WNT8B: variants seen among roughly 807,000 people sequenced by gnomAD.
The protein encoded by WNT8B is Wnt family member 8B.
WNT8B carries 24 observed loss-of-function variants against 36.6 expected under a neutral mutation model. The observed-to-expected ratio is 0.66, with a 90% confidence interval of 0.48 to 0.92. The LOEUF is 0.92. WNT8B is among the 40% of genes least tolerant of loss of function. The pLI, the probability that WNT8B is intolerant of heterozygous loss-of-function variation, is 0.00. For missense variants in WNT8B, 402 were observed against 470.8 expected (o/e 0.85, Z 1.35); for synonymous variants, 199 against 189.8 (o/e 1.05, Z -0.40).
At chr10:100,471,624 G>C (rs1035253144) in intron 1 of WNT8B, among the ~76,000 whole-genome samples, 1 of 152,236 alleles carries the variant, frequency 6.6e-6, no homozygotes, top group African/African-American at 2.4e-5. Context: ...GTGGGAATAA[G>C]AGCAAGGGAA....
intron 1 of WNT8B, among the ~76,000 whole-genome samples, chr10:100,475,113 G>A (rs1208589013): frequency 6.6e-6 from 1 of 151,920 alleles, no homozygotes; most frequent in Non-Finnish European, 1.5e-5. Context: ...GGTGGCACAC[G>A]CCTGTAATCC....
chr10:100,481,624 C>A (rs960469022), intron 4 of WNT8B, among the ~76,000 whole-genome samples: 1 of 152,196 alleles, frequency 6.6e-6, no homozygotes. Context: ...TCTGCCCATG[C>A]GAAGAGGCAC....
At chr10:100,467,167 G>A (rs947031276) in intron 1 of WNT8B, among the ~76,000 whole-genome samples, 8 of 151,838 alleles carry the variant, frequency 5.3e-5, no homozygotes, top group Non-Finnish European at 1.0e-4. Context: ...AAACTTTTAT[G>A]GTTTGTTTTT....
chr10:100,471,346 A>G (rs930749724), intron 1 of WNT8B, among the ~76,000 whole-genome samples: 1 of 152,192 alleles, frequency 6.6e-6, no homozygotes, highest in African/African-American at 2.4e-5. Flanking sequence ...TCTTTTATAC[A>G]TAGAACCCAG....
intron 1 of WNT8B, among the ~76,000 whole-genome samples, chr10:100,463,446 G>A (rs1850877888): frequency 6.6e-6 from 1 of 152,136 alleles, no homozygotes. Flanking sequence ...GATGGGAGCG[G>A]GGGTTCCTAT....
intron 1 of WNT8B, among the ~76,000 whole-genome samples, chr10:100,468,382 TA>T (rs1332178863): frequency 6.6e-6 from 1 of 152,224 alleles, no homozygotes; most frequent in African/African-American, 2.4e-5. Flanking sequence ...AAATGTTTTC[TA>T]AAGTCTATAC....
chr10:100,481,264 A>G, intron 4 of WNT8B, 141 bp downstream of exon 4: 4 of 1,215,348 alleles, frequency 3.3e-6, no homozygotes, highest in Non-Finnish European at 3.3e-6. Context: ...GTTTGATCCC[A>G]AGCCCTACAA....
intron 1 of WNT8B, among the ~76,000 whole-genome samples, chr10:100,470,069 C>G (rs945018616): frequency 6.6e-6 from 1 of 152,174 alleles, no homozygotes; most frequent in Non-Finnish European, 1.5e-5. Flanking sequence ...TCCCCTGGGC[C>G]AGCACTCCAA....
intron 1 of WNT8B, among the ~76,000 whole-genome samples, chr10:100,476,846 G>T (rs1419313265): frequency 1.3e-5 from 2 of 152,196 alleles, no homozygotes; most frequent in Non-Finnish European, 2.9e-5. Context: ...ACCTCCCCCA[G>T]TGTGAACATC....
chr10:100,475,863 C>T (rs1328952182), intron 1 of WNT8B, among the ~76,000 whole-genome samples: 1 of 152,174 alleles, frequency 6.6e-6, no homozygotes, highest in Non-Finnish European at 1.5e-5. Context: ...ATGTCCAAAC[C>T]TATAATGGCT....
At chr10:100,475,506 C>G (rs1851028016) in intron 1 of WNT8B, among the ~76,000 whole-genome samples, 1 of 152,192 alleles carries the variant, frequency 6.6e-6, no homozygotes, top group African/African-American at 2.4e-5. Flanking sequence ...TCATACAAAT[C>G]TTTGCATATT....
At position 100,481,136 on chromosome 10, in the gene WNT8B, G is replaced by T. The variant is rs775149299; in HGVS notation, c.367+13G>T. Reference sequence around the variant, plus strand: ...AACGGGCAACTGGGTGAGTAGTAATGTAGGGATGGGTACCATAGGCCAGCC... The same window carrying T: ...AACGGGCAACTGGGTGAGTAGTAATTTAGGGATGGGTACCATAGGCCAGCC... On this transcript the variant is annotated intron_variant, in intron 4 of 5. Coordinates refer to ENST00000343737, the MANE Select transcript of WNT8B (RefSeq NM_003393.4). 2 of 1,613,834 alleles carry T rather than the reference G, an allele frequency of 1.2e-6. No individual in the cohort carries two copies. The highest frequency in any genetic ancestry group is 4.5e-5 in the East Asian group (2 of 44,864).
chr10:100,476,581 A>AG (rs1851040482), intron 1 of WNT8B, among the ~76,000 whole-genome samples: 1 of 88,084 alleles, frequency 1.1e-5, no homozygotes, highest in African/African-American at 7.8e-5. Context: ...TCAGAATTGC[A>AG]GGGGTACACC....
chr10:100,467,671 C>T (rs1029009367), intron 1 of WNT8B, among the ~76,000 whole-genome samples: 1 of 152,178 alleles, frequency 6.6e-6, no homozygotes, highest in African/African-American at 2.4e-5. Context: ...TCTGGTATTT[C>T]CTCACCTTAA....
chr10:100,467,101 C>T (rs116370385), intron 1 of WNT8B, among the ~76,000 whole-genome samples: 1,529 of 152,190 alleles, frequency 0.01, 25 homozygotes, highest in African/African-American at 0.034. Flanking sequence ...CTCCCAGGAC[C>T]TCTCAACGGA....
rs749387148 is a variant in WNT8B at position 100,483,229 on chromosome 10, C to G, written c.*413C>G. ...TTTTGCCCACTGTCTGCTACCAGGGCTCACCCACTGCTGCACCTCTCTTCT... is the reference window on the plus strand; with the variant it reads ...TTTTGCCCACTGTCTGCTACCAGGGGTCACCCACTGCTGCACCTCTCTTCT... On this transcript the variant is annotated 3_prime_UTR_variant, in exon 6 of 6. Coordinates refer to ENST00000343737, the MANE Select transcript of WNT8B (RefSeq NM_003393.4). The G allele has an allele frequency of 1.2e-4, 20 of 168,194 alleles. No homozygotes were observed. Among genetic ancestry groups the G allele is most frequent in the Non-Finnish European group, 2.4e-4 (19 of 79,266 alleles). 10.4% of individuals were successfully genotyped at this position (168,194 alleles called of 1,614,324 possible). A position where few individuals can be genotyped will look rare whatever the true frequency, so the allele number is the denominator to read the frequency against.
intron 1 of WNT8B, among the ~76,000 whole-genome samples, chr10:100,465,257 T>C (rs1850896865): frequency 6.6e-6 from 1 of 152,174 alleles, no homozygotes; most frequent in Non-Finnish European, 1.5e-5. Context: ...CAGTTTTTTA[T>C]AGTTGGGACA....
intron 1 of WNT8B, 49 bp downstream of exon 1, chr10:100,463,285 T>C: frequency 7.1e-6 from 11 of 1,557,080 alleles, no homozygotes; most frequent in Non-Finnish European, 9.7e-6. Context: ...TAAGTGTATG[T>C]AATGTGTTGG....
At chr10:100,472,371 T>C (rs1368997291) in intron 1 of WNT8B, among the ~76,000 whole-genome samples, 1 of 152,050 alleles carries the variant, frequency 6.6e-6, no homozygotes, top group Non-Finnish European at 1.5e-5. Context: ...GTGCTGGGAT[T>C]ACAGGCATGA....
Sources: allele counts gnomAD v4.1 joint callset (sites outside exome capture counted in the v4.1 genomes callset), GRCh38; gene constraint gnomAD v4.1.1; transcripts MANE v1.5; gene names NCBI Gene and HGNC (gene_info 2026-07-23, HGNC 2026-07-21).